The following EYA1 variants were observed in gnomAD, a reference collection of about 807,000 sequenced individuals.
EYA1 encodes the protein protein phosphatase EYA1.
EYA1 carries 16 observed loss-of-function variants against 82.0 expected under a neutral mutation model. The ratio of observed to expected loss-of-function variants is 0.20; its 90% CI spans 0.13 to 0.30. The LOEUF (loss-of-function observed/expected upper bound fraction) is 0.30. EYA1 is among the 10% of genes least tolerant of loss of function. The pLI is 1.00. For missense variants in EYA1, 633 were observed against 730.7 expected (o/e 0.87, Z 1.54); for synonymous variants, 261 against 264.4 (o/e 0.99, Z 0.12).
intron 11 of EYA1, among the ~76,000 whole-genome samples, chr8:71,258,141 C>T (rs1814662624): frequency 6.6e-6 from 1 of 152,152 alleles, no homozygotes; most frequent in African/African-American, 2.4e-5. Flanking sequence ...TTCATCCATC[C>T]CCTACCAAAC....
At position 71,434,020 on chromosome 8, in the gene EYA1, A is replaced by T. The variant is rs115079377; in HGVS notation, c.34-77509T>A. 5.2e-3 allele frequency among the ~76,000 whole-genome samples: 792 copies of T among 152,338 alleles called. 7 individuals are homozygous for T. The highest frequency in any genetic ancestry group is 0.018 in the African/African-American group (766 of 41,588). On this transcript the variant is annotated intron_variant, in intron 2 of 18. Transcript: ENST00000643681. ...TGGAGTTCCAGAGAATGGCCAATTCATGATGTGTTTTGTGGGTAGACCCAA... is the reference window on the plus strand; with the variant it reads ...TGGAGTTCCAGAGAATGGCCAATTCTTGATGTGTTTTGTGGGTAGACCCAA...
Position 71,463,617 on chromosome 8 carries a change from CTCTCTCTCTCTCT to C in EYA1, c.33+72114_33+72126del, listed in dbSNP as rs1563640100. Among the ~76,000 whole-genome samples the C allele has an allele frequency of 8.3e-4, 110 of 132,310 alleles. 2 individuals are homozygous for C. Among genetic ancestry groups the C allele is most frequent in the African/African-American group, 3.3e-3 (100 of 29,888 alleles). 86.8% of individuals were successfully genotyped at this position (132,310 alleles called of 152,430 possible). ...TCTCTCTCTCTCTCTCTCTCTCTCT[CTCTCTCTCTCTCT>C]CTCCCTCCCTCCCCCCTCCCACACA... On this transcript the variant is annotated intron_variant, in intron 2 of 18. Coordinates refer to the EYA1 transcript ENST00000643681.
chr8:71,439,964 C>T (rs991674153), intron 2 of EYA1, among the ~76,000 whole-genome samples: 1 of 152,118 alleles, frequency 6.6e-6, no homozygotes, highest in African/African-American at 2.4e-5. Flanking sequence ...TAGCTATTAA[C>T]TAACACCTAT....
At chr8:71,494,470 T>G (rs115733742) in intron 2 of EYA1, among the ~76,000 whole-genome samples, 1,550 of 152,280 alleles carry the variant, frequency 0.01, 21 homozygotes, top group African/African-American at 0.035. Context: ...GATAAATTAT[T>G]TTTACTTATG....
chr8:71,418,253 C>T (rs542120970), intron 2 of EYA1, among the ~76,000 whole-genome samples: 2 of 152,148 alleles, frequency 1.3e-5, no homozygotes, highest in African/African-American at 2.4e-5. Context: ...TAATTTGGTT[C>T]GCACGGTGTT....
chr8:71,344,059 C>A (rs540146060), intron 3 of EYA1, among the ~76,000 whole-genome samples: 1 of 152,074 alleles, frequency 6.6e-6, no homozygotes, highest in Admixed American at 6.5e-5. Flanking sequence ...AAGTAAGTTG[C>A]AGATATAATA....
intron 2 of EYA1, among the ~76,000 whole-genome samples, chr8:71,498,999 C>T (rs958889471): frequency 2.0e-5 from 3 of 152,158 alleles, no homozygotes; most frequent in Non-Finnish European, 2.9e-5. Context: ...GACAAGGTGC[C>T]CCCTGCCAGC....
At chr8:71,289,832 T>C (rs777873769) in intron 9 of EYA1, among the ~76,000 whole-genome samples, 17 of 152,178 alleles carry the variant, frequency 1.1e-4, no homozygotes, top group Non-Finnish European at 2.2e-4. Flanking sequence ...CAAAAATACT[T>C]ACTGAAATTT....
At chr8:71,470,967 T>C in intron 2 of EYA1, 1 of 432,972 alleles carries the variant, frequency 2.3e-6, no homozygotes. Context: ...AGAAAAACCT[T>C]ACCCAGCAGA....
At chr8:71,260,864 C>A (rs901729616) in intron 11 of EYA1, among the ~76,000 whole-genome samples, 4 of 152,078 alleles carry the variant, frequency 2.6e-5, no homozygotes, top group African/African-American at 9.7e-5. Context: ...AATCTTTGGG[C>A]AGTATCAATC....
chr8:71,288,093 GAGACATTCAT>G (rs1331149156), intron 9 of EYA1, among the ~76,000 whole-genome samples: 2 of 152,174 alleles, frequency 1.3e-5, no homozygotes, highest in Non-Finnish European at 2.9e-5. Flanking sequence ...TGCTGGTCAA[GAGACATTCAT>G]AGACATTCTC....
intron 11 of EYA1, among the ~76,000 whole-genome samples, chr8:71,269,288 G>A (rs951557729): frequency 1.1e-4 from 16 of 152,116 alleles, no homozygotes; most frequent in African/African-American, 3.9e-4. Context: ...GTAGCAAAGG[G>A]ACATATAGAG....
At chr8:71,273,572 T>A (rs1390082874) in intron 9 of EYA1, among the ~76,000 whole-genome samples, 1 of 152,224 alleles carries the variant, frequency 6.6e-6, no homozygotes, top group African/African-American at 2.4e-5. Context: ...TCAAAGCTGT[T>A]CTTTGAGGAA....
chr8:71,500,838 C>A (rs989069633), intron 2 of EYA1, among the ~76,000 whole-genome samples: 2 of 151,998 alleles, frequency 1.3e-5, no homozygotes, highest in Non-Finnish European at 2.9e-5. Context: ...AGGTAAAAGA[C>A]CTTTAAAAGC....
chr8:71,540,459 G>A (rs533446761), intron 1 of EYA1, among the ~76,000 whole-genome samples: 1 of 152,282 alleles, frequency 6.6e-6, no homozygotes, highest in South Asian at 2.1e-4. Flanking sequence ...ATTGGGAGAA[G>A]AAAAGTTGGA....
upstream of EYA1, among the ~76,000 whole-genome samples, chr8:71,365,546 T>A (rs1322738503): frequency 6.6e-6 from 1 of 152,192 alleles, no homozygotes; most frequent in Non-Finnish European, 1.5e-5. Context: ...TATTCAACAT[T>A]TTGTAATTTA....
chr8:71,510,240 C>T (rs1025323400), intron 2 of EYA1, among the ~76,000 whole-genome samples: 1 of 151,970 alleles, frequency 6.6e-6, no homozygotes, highest in Non-Finnish European at 1.5e-5. Context: ...AAAGCAAACC[C>T]CAAAGCAAGT....
intron 7 of EYA1, among the ~76,000 whole-genome samples, chr8:71,304,851 C>A (rs7013100): frequency 2.8e-5 from 4 of 141,104 alleles, no homozygotes; most frequent in East Asian, 2.1e-4. Flanking sequence ...CCAACACTAC[C>A]AGATGGATTT....
At chr8:71,221,498 C>T (rs752950284) in intron 12 of EYA1, among the ~76,000 whole-genome samples, 4 of 152,032 alleles carry the variant, frequency 2.6e-5, no homozygotes, top group Non-Finnish European at 5.9e-5. Flanking sequence ...AATGGCTTTC[C>T]CAAAGGGATG....
Sources: allele counts gnomAD v4.1 joint callset (sites outside exome capture counted in the v4.1 genomes callset), GRCh38; gene constraint gnomAD v4.1.1; transcripts MANE v1.5; gene names NCBI Gene and HGNC (gene_info 2026-07-23, HGNC 2026-07-21).